The following GDPD5 variants were observed in gnomAD, a reference collection of about 807,000 sequenced individuals.
The protein encoded by GDPD5 is glycerophosphodiester phosphodiesterase domain containing 5.
Under a neutral mutation model 75.1 loss-of-function variants are expected in GDPD5, and 48 were observed. The ratio of observed to expected loss-of-function variants is 0.64; its 90% CI spans 0.51 to 0.81. The LOEUF is 0.81. Ranked by LOEUF, GDPD5 falls within the 40% of genes least tolerant of loss-of-function variation. The probability of loss-of-function intolerance (pLI) is 0.00; values close to 1 mark genes in which losing one functional copy is unlikely to be tolerated. For synonymous variants in GDPD5, 336 were observed against 339.0 expected, an observed-to-expected ratio of 0.99 and a Z score of 0.10; for missense variants, 706 against 822.6, an observed-to-expected ratio of 0.86 and a Z score of 1.73.
intron 1 of GDPD5, among the ~76,000 whole-genome samples, chr11:75,492,847 C>T (rs1950134136): frequency 6.6e-6 from 1 of 152,158 alleles, no homozygotes; most frequent in African/African-American, 2.4e-5. Flanking sequence ...ATTCTCTTGC[C>T]TCAGCCTCCC....
chr11:75,477,742 G>GT lies in GDPD5; in HGVS notation c.-8_-7insA. The GT allele has an allele frequency of 1.3e-6, 2 of 1,549,840 alleles. No individual in the cohort carries two copies. The highest frequency in any genetic ancestry group is 1.8e-6 in the Non-Finnish European group (2 of 1,136,922). On this transcript the variant is annotated 5_prime_UTR_variant, in exon 3 of 17. Coordinates refer to ENST00000336898, the MANE Select transcript of GDPD5 (RefSeq NM_030792.8). ...GGGGCTGGTGTCTCACCATACTCGT[G>GT]CCCACGGCCCTGGCGCCTGGCCCTC...
intron 1 of GDPD5, among the ~76,000 whole-genome samples, chr11:75,493,533 C>A (rs1466032801): frequency 6.6e-6 from 1 of 152,032 alleles, no homozygotes; most frequent in African/African-American, 2.4e-5. Flanking sequence ...TCCCGAGTAG[C>A]TGGGACTACA....
intron 3 of GDPD5, among the ~76,000 whole-genome samples, chr11:75,463,966 C>T (rs1018322626): frequency 3.3e-5 from 5 of 152,252 alleles, no homozygotes; most frequent in Non-Finnish European, 5.9e-5. Flanking sequence ...GTGCCTGCCG[C>T]GGTGCGCCCG....
chr11:75,507,618 G>C (rs889523742), intron 1 of GDPD5, among the ~76,000 whole-genome samples: 1 of 152,192 alleles, frequency 6.6e-6, no homozygotes, highest in African/African-American at 2.4e-5. Context: ...CAACACAGTG[G>C]TTGCCCCACG....
intron 1 of GDPD5, among the ~76,000 whole-genome samples, chr11:75,497,388 G>A (rs1385105456): frequency 1.3e-5 from 2 of 152,144 alleles, no homozygotes; most frequent in Non-Finnish European, 2.9e-5. Flanking sequence ...CACAGTGCTG[G>A]ACCCACCACA....
intron 2 of GDPD5, among the ~76,000 whole-genome samples, chr11:75,490,000 T>A (rs1950080789): frequency 6.6e-6 from 1 of 152,210 alleles, no homozygotes; most frequent in African/African-American, 2.4e-5. Flanking sequence ...AAAGCAGGGA[T>A]AACCATGGCA....
intron 6 of GDPD5, among the ~76,000 whole-genome samples, chr11:75,454,700 G>A (rs1231783596): frequency 5.9e-5 from 9 of 152,208 alleles, no homozygotes; most frequent in Non-Finnish European, 1.2e-4. Context: ...AACAGAGGGT[G>A]GAGTAGGCGA....
rs1048840409 is a variant in GDPD5, at chr11:75,455,252, G to C, written c.375+1505C>G. On this transcript the variant is annotated intron_variant, in intron 6 of 16. Coordinates refer to ENST00000336898, the MANE Select transcript of GDPD5 (RefSeq NM_030792.8). The stretch of plus-strand genomic sequence containing the variant: ...CAGAAGGTGACCACAGCATGTGCCA[G>C]CCCCACCCGGGGTGCCAGCTGGTGC... 2.4e-5 allele frequency: 11 copies of C among 454,118 alleles called. No homozygotes were observed. The Middle Eastern group carries it at 3.4e-3, about 139-fold the overall frequency. 28.1% of individuals were successfully genotyped at this position (454,118 alleles called of 1,614,324 possible).
intron 1 of GDPD5, among the ~76,000 whole-genome samples, chr11:75,514,026 T>C (rs1011619311): frequency 1.2e-4 from 18 of 152,258 alleles, no homozygotes; most frequent in African/African-American, 4.3e-4. Context: ...AAAGCGGATC[T>C]CATGTGGGAA....
At chr11:75,446,730 G>A (rs1948995752) in intron 9 of GDPD5, among the ~76,000 whole-genome samples, 1 of 152,092 alleles carries the variant, frequency 6.6e-6, no homozygotes, top group African/African-American at 2.4e-5. Context: ...AGCCCCCCAA[G>A]GCAATGCACA....
At chr11:75,488,784 G>A (rs1313248487) in intron 2 of GDPD5, among the ~76,000 whole-genome samples, 1 of 152,202 alleles carries the variant, frequency 6.6e-6, no homozygotes, top group Non-Finnish European at 1.5e-5. Context: ...AATGATCACA[G>A]GCCTCAGTGC....
At chr11:75,470,699 T>C (rs1949642242) in intron 3 of GDPD5, among the ~76,000 whole-genome samples, 1 of 152,160 alleles carries the variant, frequency 6.6e-6, no homozygotes, top group South Asian at 2.1e-4. Flanking sequence ...ATTTTAAAAA[T>C]AGAAAAAAAT....
At chr11:75,494,337 C>A (rs1229141141) in intron 1 of GDPD5, among the ~76,000 whole-genome samples, 2 of 151,904 alleles carry the variant, frequency 1.3e-5, no homozygotes, top group East Asian at 3.9e-4. Flanking sequence ...CCTGCCTCAG[C>A]CTCCCAAGTG....
rs780198723 is a variant in GDPD5 at position 75,444,474 on chromosome 11, T to G, written c.736A>C (p.Met246Leu). The G allele has an allele frequency of 6.2e-7, 1 of 1,613,706 alleles. No individual in the cohort carries two copies. The highest frequency in any genetic ancestry group is 8.5e-7 in the Non-Finnish European group (1 of 1,179,832). ...TGCTCGAGGGCCTTCCGGAAGGACATGAGCGTGTGCTCTGGAGCCAGCTGG... is the reference window on the plus strand; with the variant it reads ...TGCTCGAGGGCCTTCCGGAAGGACAGGAGCGTGTGCTCTGGAGCCAGCTGG... ...APMLAPEHTL[M>L]SFRKALEQKL... The change falls in exon 10 of 17, where the codon ATG becomes CTG. Residue 246 changes from methionine to leucine, a missense_variant. Met to Leu is a conservative substitution (Grantham distance 15). Transcript: ENST00000336898.
At chr11:75,456,671 G>C in intron 6 of GDPD5, 86 bp downstream of exon 6, 1 of 1,273,442 alleles carries the variant, frequency 7.9e-7, no homozygotes, top group Non-Finnish European at 1.1e-6. Context: ...ATCCAGGGGA[G>C]GGACATGGTG....
intron 1 of GDPD5, among the ~76,000 whole-genome samples, chr11:75,513,049 C>T (rs1260103425): frequency 6.6e-6 from 1 of 152,142 alleles, no homozygotes; most frequent in Non-Finnish European, 1.5e-5. Flanking sequence ...CACAATGCCA[C>T]GTCTAGACAG....
chr11:75,448,346 C>T (rs1335409131), intron 9 of GDPD5: 2 of 353,844 alleles, frequency 5.7e-6, no homozygotes, highest in Non-Finnish European at 7.9e-6. Context: ...TCCTCATAGC[C>T]CCACAGCAGG....
At chr11:75,509,590 T>C (rs1950472918) in intron 1 of GDPD5, among the ~76,000 whole-genome samples, 1 of 152,242 alleles carries the variant, frequency 6.6e-6, no homozygotes, top group African/African-American at 2.4e-5. Flanking sequence ...ATGTTCAAAC[T>C]TTATCTCGTT....
chr11:75,458,775 T>C (rs927940233), intron 4 of GDPD5, among the ~76,000 whole-genome samples: 2 of 152,148 alleles, frequency 1.3e-5, no homozygotes, highest in Middle Eastern at 3.2e-3. Flanking sequence ...AACTACTCAA[T>C]AAACTCTCTT....
Sources: gnomAD v4.1 joint callset for allele counts (sites outside exome capture counted in the v4.1 genomes callset) on GRCh38, gnomAD v4.1.1 for gene constraint, MANE v1.5 for transcripts, NCBI Gene and HGNC (gene_info 2026-07-23, HGNC 2026-07-21) for gene names.